STAG1: variants seen among roughly 807,000 people sequenced by gnomAD.
STAG1 encodes STAG1 cohesin complex component, also known as cohesin subunit SA-1.
STAG1 carries 26 observed loss-of-function variants against 170.9 expected under a neutral mutation model. The ratio of observed to expected loss-of-function variants is 0.15; its 90% CI spans 0.11 to 0.21. The LOEUF (loss-of-function observed/expected upper bound fraction) is 0.21, where lower values mean the gene tolerates loss of function less well. STAG1 is among the 10% of genes least tolerant of loss of function. STAG1 has a pLI of 1.00. For missense variants in STAG1, 964 were observed against 1,509.5 expected, an observed-to-expected ratio of 0.64 and a Z score of 5.99; for synonymous variants, 514 against 497.7, an observed-to-expected ratio of 1.03 and a Z score of -0.44.
chr3:136,744,673 C>CTT (rs34241550), intron 1 of STAG1, among the ~76,000 whole-genome samples: 8,900 of 117,406 alleles, frequency 0.076, 543 homozygotes, highest in Non-Finnish European at 0.093. Context: ...CTGCAACCAT[C>CTT]TTTTTTTTTT....
intron 1 of STAG1, among the ~76,000 whole-genome samples, chr3:136,640,368 CTTTT>C (rs1046414006): frequency 2.8e-5 from 4 of 140,408 alleles, no homozygotes; most frequent in Non-Finnish European, 4.7e-5. Flanking sequence ...CATTAGATAA[CTTTT>C]TTTTTTTTTT....
intron 7 of STAG1, among the ~76,000 whole-genome samples, chr3:136,510,945 G>A (rs1226407363): frequency 6.6e-6 from 1 of 151,892 alleles, no homozygotes; most frequent in African/African-American, 2.4e-5. Context: ...GGCTAATTTT[G>A]TATTTTTAGT....
chr3:136,465,283 G>C (rs1435174747), intron 12 of STAG1, among the ~76,000 whole-genome samples: 1 of 140,416 alleles, frequency 7.1e-6, no homozygotes, highest in East Asian at 2.3e-4. Context: ...ACAACACCAT[G>C]ATCTTGGCTC....
intron 1 of STAG1, among the ~76,000 whole-genome samples, chr3:136,651,413 TA>T (rs1941213521): frequency 6.6e-6 from 1 of 150,508 alleles, no homozygotes; most frequent in Non-Finnish European, 1.5e-5. Context: ...TAAAGTAGAT[TA>T]GATTCAACAG....
intron 1 of STAG1, among the ~76,000 whole-genome samples, chr3:136,654,329 G>T (rs1403951579): frequency 6.6e-6 from 1 of 152,096 alleles, no homozygotes; most frequent in East Asian, 1.9e-4. Context: ...AAAATCAGTT[G>T]CATTTCTATA....
chr3:136,642,189 A>G (rs1178100628), intron 1 of STAG1, among the ~76,000 whole-genome samples: 3 of 150,378 alleles, frequency 2.0e-5, no homozygotes, highest in Non-Finnish European at 4.4e-5. Context: ...AATAAACTGC[A>G]CTTAAAACTA....
At chr3:136,705,794 T>C (rs923579236) in intron 1 of STAG1, among the ~76,000 whole-genome samples, 2 of 152,096 alleles carry the variant, frequency 1.3e-5, no homozygotes, top group African/African-American at 4.8e-5. Context: ...AGTCTCAGGT[T>C]TGTCTTTATT....
intron 9 of STAG1, among the ~76,000 whole-genome samples, chr3:136,498,766 T>C (rs1933304005): frequency 6.6e-6 from 1 of 150,736 alleles, no homozygotes; most frequent in African/African-American, 2.4e-5. Flanking sequence ...AATATATCAA[T>C]AACATGTTAT....
At chr3:136,478,851 G>A (rs917384369) in intron 9 of STAG1, among the ~76,000 whole-genome samples, 1 of 152,054 alleles carries the variant, frequency 6.6e-6, no homozygotes, top group African/African-American at 2.4e-5. Flanking sequence ...AAGACATCCT[G>A]AGTTCAAATC....
intron 15 of STAG1, among the ~76,000 whole-genome samples, chr3:136,442,035 T>C (rs770992230): frequency 1.3e-5 from 2 of 152,120 alleles, no homozygotes; most frequent in Non-Finnish European, 2.9e-5. Context: ...CTGTCTCTAA[T>C]AAAAGTACAA....
intron 7 of STAG1, 110 bp downstream of exon 7, chr3:136,521,102 CT>C: frequency 2.3e-6 from 2 of 867,356 alleles, no homozygotes; most frequent in Non-Finnish European, 3.5e-6. Context: ...ATTCAAATGA[CT>C]GTTTTATTCT....
chr3:136,473,939 C>T (rs570135723), intron 10 of STAG1, among the ~76,000 whole-genome samples: 1 of 152,168 alleles, frequency 6.6e-6, no homozygotes, highest in East Asian at 1.9e-4. Context: ...GAATTTTAAA[C>T]CTATAATTAG....
In STAG1 at chr3:136,706,958, T is replaced by C. The variant is rs182147991; in HGVS notation, c.-84+45237A>G. On this transcript the variant is annotated intron_variant, in intron 1 of 33. Coordinates refer to ENST00000383202, the MANE Select transcript of STAG1 (RefSeq NM_005862.3). ...ACACGACAATTCAACGGGGAAGAAATAGTCTCTTCAACAAATGGTATTGGG... is the reference window on the plus strand; with the variant it reads ...ACACGACAATTCAACGGGGAAGAAACAGTCTCTTCAACAAATGGTATTGGG... Among the ~76,000 whole-genome samples the C allele has an allele frequency of 2.4e-3, 358 of 152,156 alleles. 1 individual carries two copies. Among genetic ancestry groups the C allele is most frequent in the Admixed American group, 4.5e-3 (68 of 15,268 alleles).
At chr3:136,634,013 C>G (rs952635151) in intron 1 of STAG1, among the ~76,000 whole-genome samples, 5 of 130,382 alleles carry the variant, frequency 3.8e-5, no homozygotes, top group Admixed American at 9.1e-5. Flanking sequence ...TGGTGGCAGG[C>G]ACCTGAAGTC....
intron 4 of STAG1, among the ~76,000 whole-genome samples, chr3:136,574,609 T>A (rs1389993561): frequency 1.3e-5 from 2 of 152,080 alleles, no homozygotes; most frequent in Non-Finnish European, 2.9e-5. Flanking sequence ...TTTATAATAA[T>A]AAAACAGTAA....
chr3:136,434,812 T>A (rs2088408018), intron 15 of STAG1, among the ~76,000 whole-genome samples: 1 of 152,196 alleles, frequency 6.6e-6, no homozygotes, highest in Admixed American at 6.5e-5. Context: ...TGCTTGCTCT[T>A]TTGCTCTTCC....
intron 4 of STAG1, among the ~76,000 whole-genome samples, chr3:136,593,108 T>C (rs976172638): frequency 1.3e-5 from 2 of 152,036 alleles, no homozygotes; most frequent in African/African-American, 4.8e-5. Flanking sequence ...ATAGCTGGGG[T>C]TGGGAAGGCA....
intron 7 of STAG1, among the ~76,000 whole-genome samples, chr3:136,508,904 G>C (rs866563138): frequency 2.2e-4 from 33 of 151,722 alleles, no homozygotes; most frequent in African/African-American, 5.4e-4. Context: ...GAGAGAGAGA[G>C]AGAGACAGAG....
intron 3 of STAG1, among the ~76,000 whole-genome samples, chr3:136,616,218 G>A (rs1308674582): frequency 4.7e-5 from 7 of 150,088 alleles, no homozygotes; most frequent in South Asian, 2.1e-4. Context: ...GCAGTGAGCC[G>A]AGATCGCGCC....
Sources: allele counts gnomAD v4.1 joint callset (sites outside exome capture counted in the v4.1 genomes callset), GRCh38; gene constraint gnomAD v4.1.1; transcripts MANE v1.5; gene names NCBI Gene and HGNC (gene_info 2026-07-23, HGNC 2026-07-21).